PDE2A: variants seen among roughly 807,000 people sequenced by gnomAD.
PDE2A encodes phosphodiesterase 2A.
A neutral mutation model predicts 133.6 loss-of-function variants in PDE2A; 53 were observed. That is an observed-to-expected ratio of 0.40 (90% CI 0.32 to 0.50). PDE2A has a LOEUF of 0.50. PDE2A is among the 20% of genes least tolerant of loss of function. The pLI, the probability that PDE2A is intolerant of heterozygous loss-of-function variation, is 0.73. For missense variants in PDE2A, 796 were observed against 1,232.4 expected (o/e 0.65, Z 5.30); for synonymous variants, 491 against 490.2 (o/e 1.00, Z -0.02).
chr11:72,622,322 T>C (rs1184299031), intron 2 of PDE2A, among the ~76,000 whole-genome samples: 2 of 152,182 alleles, frequency 1.3e-5, no homozygotes, highest in Admixed American at 6.5e-5. Flanking sequence ...AAAAATAGAA[T>C]GACTGTGTGA....
At chr11:72,599,634 C>G (rs546204431) in intron 4 of PDE2A, among the ~76,000 whole-genome samples, 3 of 152,184 alleles carry the variant, frequency 2.0e-5, no homozygotes, top group Admixed American at 2.0e-4. Flanking sequence ...AAGCCTCTAG[C>G]CTCCTAGCTG....
At chr11:72,615,145 G>A in intron 2 of PDE2A, 1 of 488,218 alleles carries the variant, frequency 2.0e-6, no homozygotes, top group Non-Finnish European at 4.5e-6. Context: ...GCCAGTCCCA[G>A]TGCCTCCCAA....
Position 72,589,779 on chromosome 11 carries a change from T to G in PDE2A, c.845A>C (p.Lys282Thr). 1 of 1,613,812 alleles carries G rather than the reference T, an allele frequency of 6.2e-7. No individual in the cohort carries two copies. The highest frequency in any genetic ancestry group is 8.5e-7 in the Non-Finnish European group (1 of 1,179,912). Residue 282 changes from lysine to threonine, a missense_variant, in exon 11 of 31, where the codon AAA becomes ACA. Lys to Thr is a moderately conservative substitution (Grantham distance 78). This residue lies in a region of PDE2A where 417 missense variants were observed against 475.3 expected (regional missense o/e 0.88). Transcript: ENST00000334456. ...AAAGCTGACCTCTTCCCCGAGCACT[T>G]TGTCTCCGATGACCTGAGGAACGGA... ...LQLSCKVIGD[K>T]VLGEEVSFPL... is the part of the protein sequence containing the mutation.
At chr11:72,659,974 T>C (rs1190734254) in intron 1 of PDE2A, among the ~76,000 whole-genome samples, 1 of 152,166 alleles carries the variant, frequency 6.6e-6, no homozygotes, top group Non-Finnish European at 1.5e-5. Flanking sequence ...AGCAGTTCCC[T>C]GGCAACTTCC....
At chr11:72,596,679 G>T in intron 5 of PDE2A, 31 bp from the exon 6 acceptor site, 3 of 1,380,966 alleles carry the variant, frequency 2.2e-6, no homozygotes, top group Middle Eastern at 1.9e-4. Context: ...AGGTGCTCCT[G>T]CAGGGCTGGC....
At chr11:72,649,648 C>T (rs1854670515) in intron 1 of PDE2A, among the ~76,000 whole-genome samples, 1 of 152,192 alleles carries the variant, frequency 6.6e-6, no homozygotes, top group Admixed American at 6.5e-5. Flanking sequence ...CCATCTGAAC[C>T]CCTTTCTGGA....
At chr11:72,657,511 G>A (rs1035719298) in intron 1 of PDE2A, among the ~76,000 whole-genome samples, 3 of 151,866 alleles carry the variant, frequency 2.0e-5, no homozygotes, top group African/African-American at 4.8e-5. Flanking sequence ...CCCCAGCCCC[G>A]CTCACACACG....
intron 2 of PDE2A, among the ~76,000 whole-genome samples, chr11:72,634,014 G>A (rs540957108): frequency 3.3e-5 from 5 of 152,282 alleles, no homozygotes; most frequent in South Asian, 2.1e-4. Flanking sequence ...CTCCTTATCC[G>A]AAGAATAAAA....
chr11:72,626,904 G>T (rs542913401), intron 2 of PDE2A, among the ~76,000 whole-genome samples: 1 of 152,284 alleles, frequency 6.6e-6, no homozygotes, highest in South Asian at 2.1e-4. Flanking sequence ...CTGAGTCCTT[G>T]CTCCAGCCTC....
chr11:72,632,999 C>T (rs1030617302), intron 2 of PDE2A, among the ~76,000 whole-genome samples: 2 of 152,300 alleles, frequency 1.3e-5, no homozygotes, highest in African/African-American at 4.8e-5. Flanking sequence ...TATCACCCTC[C>T]TATCTCCTGT....
At chr11:72,646,507 G>C (rs946346037) in intron 1 of PDE2A, among the ~76,000 whole-genome samples, 2 of 152,190 alleles carry the variant, frequency 1.3e-5, no homozygotes, top group Non-Finnish European at 2.9e-5. Context: ...CAAACCCAGT[G>C]CTCTTTGCAC....
At position 72,585,674 on chromosome 11, in the gene PDE2A, C is replaced by T. The variant is rs1247316712; in HGVS notation, c.1183-81G>A. ...CCAACCTCCTGCCTCCAACAGCACC[C>T]GGGTCTTCTCCTTCCTTCCCTAGGG... is the stretch of plus-strand genomic sequence containing the variant. On this transcript the variant is annotated intron_variant, in intron 14 of 30. Transcript: ENST00000334456. 4 of 1,243,684 alleles carry T rather than the reference C, an allele frequency of 3.2e-6. No homozygotes were observed. In the Admixed American group the frequency reaches 5.8e-5, roughly 18 times the overall value. 77.0% of individuals were successfully genotyped at this position (1,243,684 alleles called of 1,614,324 possible).
chr11:72,588,619 G>C (rs1312805982), intron 13 of PDE2A, among the ~76,000 whole-genome samples, 165 bp downstream of exon 13: 1 of 152,204 alleles, frequency 6.6e-6, no homozygotes, highest in Non-Finnish European at 1.5e-5. Flanking sequence ...GAACTAGCTT[G>C]GACCTCAACA....
chr11:72,645,752 G>T (rs115488550), intron 1 of PDE2A, among the ~76,000 whole-genome samples: 5 of 152,226 alleles, frequency 3.3e-5, no homozygotes, highest in Non-Finnish European at 7.3e-5. Context: ...CCTACTGGCC[G>T]AGTGTATACA....
At position 72,608,722 on chromosome 11, in the gene PDE2A, G is replaced by T; in HGVS notation, c.174C>A (p.Ile58=). ...CAGCACGTTGCAGGCCTGAAATGTCGATGACAGAGCCCAGACTCAGCAAGG... is the reference window on the plus strand; with the variant it reads ...CAGCACGTTGCAGGCCTGAAATGTCTATGACAGAGCCCAGACTCAGCAAGG... ...QDALLSLGSV[I]DISGLQRAVK... is the part of the protein sequence containing the mutation. Residue 58 remains isoleucine, a synonymous_variant, in exon 3 of 31, where the codon ATC becomes ATA. Transcript: ENST00000334456. 2 of 1,571,676 alleles carry T rather than the reference G, an allele frequency of 1.3e-6. No individual in the cohort carries two copies. Among genetic ancestry groups the T allele is most frequent in the Non-Finnish European group, 1.7e-6 (2 of 1,157,440 alleles).
At chr11:72,673,398 T>TACAC (rs10552751) in intron 1 of PDE2A, among the ~76,000 whole-genome samples, 248 of 148,116 alleles carry the variant, frequency 1.7e-3, no homozygotes, top group Middle Eastern at 3.5e-3. Flanking sequence ...TCCACATGTA[T>TACAC]ACACACACAC....
chr11:72,581,067 G>C (rs1855704308), intron 23 of PDE2A, 94 bp from the exon 24 acceptor site: 7 of 902,192 alleles, frequency 7.8e-6, no homozygotes, highest in African/African-American at 1.6e-5. Context: ...ACATGCCCAG[G>C]AGCCACTGGG....
intron 1 of PDE2A, among the ~76,000 whole-genome samples, chr11:72,666,597 G>C (rs1855239814): frequency 6.6e-6 from 1 of 152,244 alleles, no homozygotes; most frequent in East Asian, 1.9e-4. Flanking sequence ...CCAGACATTA[G>C]GCGCGGCCTT....
rs112018789 is a variant in PDE2A at position 72,615,746 on chromosome 11, C to T, written c.145-6995G>A. On this transcript the variant is annotated intron_variant, in intron 2 of 30. Coordinates refer to ENST00000334456, the MANE Select transcript of PDE2A (RefSeq NM_002599.5). The stretch of plus-strand genomic sequence containing the variant: ...ATGCCATCACAGTCATCCTGGTCAC[C>T]TGGCATTCTAGCTATCCTTGTCCTC... Among the ~76,000 whole-genome samples the T allele has an allele frequency of 4.5e-4, 69 of 152,336 alleles. 2 individuals are homozygous for T. The highest frequency in any genetic ancestry group is 2.7e-3 in the Admixed American group (42 of 15,304).
Sources: allele counts gnomAD v4.1 joint callset (sites outside exome capture counted in the v4.1 genomes callset), GRCh38; gene constraint gnomAD v4.1.1; regional missense constraint gnomAD v4.1.1; transcripts MANE v1.5; gene names NCBI Gene and HGNC (gene_info 2026-07-23, HGNC 2026-07-21).